The following SLC26A11 variants were observed in gnomAD, a reference collection of about 807,000 sequenced individuals.
SLC26A11 encodes sodium-independent sulfate anion transporter.
A neutral mutation model predicts 62.2 loss-of-function variants in SLC26A11; 58 were observed. The observed-to-expected ratio is 0.93, with a 90% confidence interval of 0.76 to 1.16. The LOEUF (loss-of-function observed/expected upper bound fraction) is 1.16. Among genes scored for constraint, SLC26A11 ranks in the 50% most tolerant of loss-of-function variants. The probability of loss-of-function intolerance (pLI) is 0.00; values close to 1 mark genes in which losing one functional copy is unlikely to be tolerated. For missense variants in SLC26A11, 790 were observed against 794.3 expected (o/e 0.99, Z 0.06); for synonymous variants, 411 against 368.9 (o/e 1.11, Z -1.31).
Position 80,252,747 on chromosome 17 carries a change from A to G in SLC26A11, c.*31A>G, listed in dbSNP as rs774034927. The stretch of plus-strand genomic sequence containing the variant: ...CCACCCGTGGGCATCCACAGTTTGC[A>G]GGGTGTTCCGGAAGGTTCTTGTCAC... On this transcript the variant is annotated 3_prime_UTR_variant, in exon 18 of 18. Transcript: ENST00000361193. This position sits in a 1 kb window ranked among gnomAD's most constrained non-coding sequence, Gnocchi z 5.2. The G allele has an allele frequency of 6.3e-7, 1 of 1,594,656 alleles. No homozygotes were observed. The highest frequency in any genetic ancestry group is 8.6e-7 in the Non-Finnish European group (1 of 1,164,996).
rs1439006640 is a variant in SLC26A11, at chr17:80,228,968, G to A, written c.736+1008G>A. The stretch of plus-strand genomic sequence containing the variant: ...TGGAAGCCTCTTCTCAGTGCATCCG[G>A]GATGGGCATGGGTCCCCTGGCTGAG... On this transcript the variant is annotated intron_variant, in intron 7 of 17. Coordinates refer to ENST00000361193, the MANE Select transcript of SLC26A11 (RefSeq NM_001166347.2). This position sits in a 1 kb window ranked among gnomAD's most constrained non-coding sequence, Gnocchi z 4.1. Among the ~76,000 whole-genome samples, 3 of 152,188 alleles carry A rather than the reference G, an allele frequency of 2.0e-5. No individual in the cohort carries two copies. The highest frequency in any genetic ancestry group is 2.9e-5 in the Non-Finnish European group (2 of 68,026).
At chr17:80,232,185 C>T (rs1172202702) in intron 7 of SLC26A11, among the ~76,000 whole-genome samples, 1 of 151,884 alleles carries the variant, frequency 6.6e-6, no homozygotes, top group Non-Finnish European at 1.5e-5. Flanking sequence ...TATTCTCTTC[C>T]CTGAAATCTA....
rs770296042 is a variant in SLC26A11, at chr17:80,251,309, A to G, written c.1657-20A>G. 6 of 1,614,000 alleles carry G rather than the reference A, an allele frequency of 3.7e-6. No individual in the cohort carries two copies. Among genetic ancestry groups the G allele is most frequent in the Non-Finnish European group, 3.4e-6 (4 of 1,179,922 alleles). The stretch of plus-strand genomic sequence containing the variant: ...ACAGAGGAACATCCCTGCCCTGGCT[A>G]AAGTCTGTCTGTCTCTCAGGTCCCC... On this transcript the variant is annotated intron_variant, in intron 16 of 17. Coordinates refer to ENST00000361193, the MANE Select transcript of SLC26A11 (RefSeq NM_001166347.2).
In SLC26A11 at chr17:80,247,732, G is replaced by A. The variant is rs77183492; in HGVS notation, c.1295-398G>A. Among the ~76,000 whole-genome samples, 152 of 152,310 alleles carry A rather than the reference G, an allele frequency of 1.0e-3. 2 individuals are homozygous for A. The highest frequency in any genetic ancestry group is 3.4e-3 in the African/African-American group (141 of 41,564). ...AGGGTGGGGCAGGCCTGACCTATGC[G>A]TGCGGTGGAATCCCCCACAGGGCTA... On this transcript the variant is annotated intron_variant, in intron 13 of 17. Transcript: ENST00000361193.
intron 7 of SLC26A11, among the ~76,000 whole-genome samples, chr17:80,232,181 C>T (rs1009542351): frequency 6.6e-6 from 1 of 151,896 alleles, no homozygotes; most frequent in African/African-American, 2.4e-5. Flanking sequence ...GCAATATTCT[C>T]TTCCCTGAAA....
In SLC26A11 at chr17:80,246,452, C is replaced by T; in HGVS notation, c.1154-57C>T. The T allele has an allele frequency of 6.3e-7, 1 of 1,598,466 alleles. No individual in the cohort carries two copies. Among genetic ancestry groups the T allele is most frequent in the Non-Finnish European group, 8.5e-7 (1 of 1,177,498 alleles). On this transcript the variant is annotated intron_variant, in intron 12 of 17. Transcript: ENST00000361193. This position sits in a 1 kb window ranked among gnomAD's most constrained non-coding sequence, Gnocchi z 4.4. ...CTCTGCTGAACAAGAGGCTGCTACG[C>T]TGCGTGCTGGGGGGACCCTGCACTC...
At chr17:80,236,761 A>G (rs2042704167) in intron 7 of SLC26A11, 167 bp from the exon 8 acceptor site, 2 of 716,554 alleles carry the variant, frequency 2.8e-6, no homozygotes, top group Middle Eastern at 4.3e-4. Context: ...ATGCTGCCAC[A>G]TAGCATTTAT....
chr17:80,248,731 C>T lies in SLC26A11; in HGVS notation c.1522+57C>T, dbSNP rs538585797. Reference sequence around the variant, plus strand: ...TCACTCCCCTGTCCTCTGCCCCCCACTCCCTGCTGTTCAGGACCCCAAGAC... The same window carrying T: ...TCACTCCCCTGTCCTCTGCCCCCCATTCCCTGCTGTTCAGGACCCCAAGAC... On this transcript the variant is annotated intron_variant, in intron 15 of 17. Transcript: ENST00000361193. The T allele has an allele frequency of 1.0e-5, 15 of 1,487,374 alleles. No homozygotes were observed. In the East Asian group the frequency reaches 2.7e-4, roughly 27 times the overall value. 92.1% of individuals were successfully genotyped at this position (1,487,374 alleles called of 1,614,324 possible). A position where few individuals can be genotyped will look rare whatever the true frequency, so the allele number is the denominator to read the frequency against.
At chr17:80,224,470 T>A (rs1385571602) in intron 5 of SLC26A11, among the ~76,000 whole-genome samples, 2 of 151,666 alleles carry the variant, frequency 1.3e-5, no homozygotes, top group Admixed American at 6.6e-5. Context: ...TGTGAGTGTG[T>A]GAGTGTGAGA....
chr17:80,234,084 A>G (rs532347505), intron 7 of SLC26A11, among the ~76,000 whole-genome samples: 1 of 152,198 alleles, frequency 6.6e-6, no homozygotes, highest in South Asian at 2.1e-4. Flanking sequence ...GGCTCACTGC[A>G]ATCTCTGCCT....
intron 6 of SLC26A11, 99 bp downstream of exon 6, chr17:80,226,015 C>A: frequency 1.9e-6 from 2 of 1,078,200 alleles, no homozygotes; most frequent in South Asian, 2.7e-5. Context: ...GGTGACTGCT[C>A]AAACAGGGGT....
intron 10 of SLC26A11, among the ~76,000 whole-genome samples, chr17:80,242,806 T>G (rs1225549343): frequency 1.3e-5 from 2 of 152,182 alleles, no homozygotes; most frequent in Non-Finnish European, 2.9e-5. Flanking sequence ...CCTTCTGGGT[T>G]CATCCGATTC....
intron 8 of SLC26A11, 55 bp downstream of exon 8, chr17:80,237,158 C>T (rs2042718765): frequency 6.4e-7 from 1 of 1,572,922 alleles, no homozygotes; most frequent in African/African-American, 1.3e-5. Context: ...GGCCCCTGGC[C>T]TGGCTCCTAC....
Position 80,222,906 on chromosome 17 carries a change from AT to A in SLC26A11, c.427+62del. On this transcript the variant is annotated intron_variant, in intron 4 of 17. Coordinates refer to ENST00000361193, the MANE Select transcript of SLC26A11 (RefSeq NM_001166347.2). This position sits in a 1 kb window ranked among gnomAD's most constrained non-coding sequence, Gnocchi z 4.7. ...TCGACCTCAGCATTTGCTTGTTTGCATTTCAAGTCTATCCCCGTGTGCGTGT... is the reference window on the plus strand; with the variant it reads ...TCGACCTCAGCATTTGCTTGTTTGCATTCAAGTCTATCCCCGTGTGCGTGT... The A allele has an allele frequency of 4.6e-6, 7 of 1,521,744 alleles. No individual in the cohort carries two copies. The highest frequency in any genetic ancestry group is 6.2e-6 in the Non-Finnish European group (7 of 1,122,370). The allele number at this position is 1,521,744 out of a possible 1,614,324, so 94.3% of individuals were successfully genotyped here.
At chr17:80,225,145 G>T (rs1425486844) in intron 5 of SLC26A11, among the ~76,000 whole-genome samples, 1 of 151,992 alleles carries the variant, frequency 6.6e-6, no homozygotes, top group Non-Finnish European at 1.5e-5. Flanking sequence ...AATCCAGCCT[G>T]GGCCACAGAG....
chr17:80,239,085 T>C (rs1349304819), intron 9 of SLC26A11, among the ~76,000 whole-genome samples: 1 of 150,668 alleles, frequency 6.6e-6, no homozygotes. Flanking sequence ...TAATTTTTTT[T>C]TTTTTTTTTT....
chr17:80,221,493 G>A (rs1297560992), intron 2 of SLC26A11, 55 bp from the exon 3 acceptor site: 27 of 1,314,062 alleles, frequency 2.1e-5, no homozygotes, highest in Admixed American at 1.0e-4. Context: ...CAGTGTTGCC[G>A]GGTTCTTCAA....
chr17:80,237,312 G>A (rs139796854), intron 8 of SLC26A11: 24 of 760,062 alleles, frequency 3.2e-5, no homozygotes, highest in Admixed American at 8.8e-5. Context: ...GTTCAGGGGC[G>A]CTTCTCCTGT....
chr17:80,232,265 T>C (rs2042585531), intron 7 of SLC26A11, among the ~76,000 whole-genome samples: 1 of 152,152 alleles, frequency 6.6e-6, no homozygotes, highest in South Asian at 2.1e-4. Context: ...TTTTACTTTT[T>C]TTTTTTTGAG....
Sources: allele counts gnomAD v4.1 joint callset (sites outside exome capture counted in the v4.1 genomes callset), GRCh38; gene constraint gnomAD v4.1.1; non-coding constraint Gnocchi (gnomAD v3.1); transcripts MANE v1.5; gene names NCBI Gene and HGNC (gene_info 2026-07-23, HGNC 2026-07-21).